CTNNA3: variants seen among roughly 807,000 people sequenced by gnomAD.
The protein encoded by CTNNA3 is catenin alpha 3.
Under a neutral mutation model 95.7 loss-of-function variants are expected in CTNNA3, and 76 were observed. That is an observed-to-expected ratio of 0.79 (90% CI 0.66 to 0.96). The LOEUF (loss-of-function observed/expected upper bound fraction) is 0.96, where lower values mean the gene tolerates loss of function less well. Ranked by LOEUF, CTNNA3 falls within the 40% of genes least tolerant of loss-of-function variation. CTNNA3 has a pLI of 0.00. For synonymous variants in CTNNA3, 431 were observed against 374.4 expected, an observed-to-expected ratio of 1.15 and a Z score of -1.74; for missense variants, 1,191 against 1,089.8, an observed-to-expected ratio of 1.09 and a Z score of -1.31.
At chr10:65,934,139 C>A (rs73306008) in intron 17 of CTNNA3, among the ~76,000 whole-genome samples, 3,186 of 152,150 alleles carry the variant, frequency 0.021, 49 homozygotes, top group African/African-American at 0.04. Flanking sequence ...ATCTGGACTT[C>A]TTGTTATGAT....
chr10:67,027,583 C>T (rs1853471231), intron 7 of CTNNA3, among the ~76,000 whole-genome samples: 2 of 151,730 alleles, frequency 1.3e-5, no homozygotes, highest in African/African-American at 2.4e-5. Flanking sequence ...TAAACATGTG[C>T]GCCACCATGC....
At chr10:67,390,468 C>T (rs1371339729) in intron 5 of CTNNA3, among the ~76,000 whole-genome samples, 1 of 152,074 alleles carries the variant, frequency 6.6e-6, no homozygotes, top group Non-Finnish European at 1.5e-5. Flanking sequence ...CCGAATTCTA[C>T]AAGAGGTACA....
intron 13 of CTNNA3, among the ~76,000 whole-genome samples, chr10:66,110,355 C>G (rs58927168): frequency 0.015 from 1,922 of 130,186 alleles, 43 homozygotes; most frequent in African/African-American, 0.058. Context: ...GAATGAGACT[C>G]TGTCTAAAAA....
intron 9 of CTNNA3, among the ~76,000 whole-genome samples, chr10:66,720,930 T>C (rs1436112162): frequency 6.6e-6 from 1 of 152,182 alleles, no homozygotes; most frequent in African/African-American, 2.4e-5. Context: ...TCAGGACCTA[T>C]GGTAAATGTT....
At chr10:66,122,609 T>C (rs1367105515) in intron 13 of CTNNA3, among the ~76,000 whole-genome samples, 1 of 152,190 alleles carries the variant, frequency 6.6e-6, no homozygotes, top group South Asian at 2.1e-4. Flanking sequence ...AATGATAGGA[T>C]ACTTATAATC....
At chr10:67,702,885 T>A (rs528341961) in intron 1 of CTNNA3, among the ~76,000 whole-genome samples, 1 of 151,866 alleles carries the variant, frequency 6.6e-6, no homozygotes, top group East Asian at 1.9e-4. Context: ...CTAGCAAGAC[T>A]AAGAAAGAAG....
chr10:66,827,193 T>C (rs1406486401), intron 7 of CTNNA3, among the ~76,000 whole-genome samples: 1 of 152,126 alleles, frequency 6.6e-6, no homozygotes. Context: ...AAGCCCCCTT[T>C]CTTTTCCTCC....
intron 5 of CTNNA3, among the ~76,000 whole-genome samples, chr10:67,245,545 C>T (rs1865870699): frequency 6.6e-6 from 1 of 152,072 alleles, no homozygotes; most frequent in African/African-American, 2.4e-5. Context: ...AAAAAGTTAT[C>T]CTATCATATG....
chr10:66,424,705 T>A (rs781169593), intron 11 of CTNNA3, among the ~76,000 whole-genome samples: 38 of 152,152 alleles, frequency 2.5e-4, no homozygotes, highest in Non-Finnish European at 5.4e-4. Flanking sequence ...TTACATAATA[T>A]GTAGTCAACT....
At chr10:67,420,813 G>A (rs1320944006) in intron 5 of CTNNA3, among the ~76,000 whole-genome samples, 1 of 151,986 alleles carries the variant, frequency 6.6e-6, no homozygotes, top group African/African-American at 2.4e-5. Context: ...AAACCAAATT[G>A]TAAAATAGTT....
chr10:66,309,516 C>G (rs542437499), intron 12 of CTNNA3, among the ~76,000 whole-genome samples: 2 of 150,976 alleles, frequency 1.3e-5, no homozygotes, highest in East Asian at 4.0e-4. Flanking sequence ...CACTGTGAAA[C>G]CCCATCTACC....
intron 5 of CTNNA3, among the ~76,000 whole-genome samples, chr10:67,240,802 C>A (rs1028977752): frequency 2.0e-5 from 3 of 152,054 alleles, no homozygotes; most frequent in African/African-American, 7.2e-5. Context: ...AATTCTAATG[C>A]GGACTACTGT....
rs549062723 is a variant in CTNNA3 at position 66,867,272 on chromosome 10, G to A, written c.1048-91748C>T. ...AAAACTCCATGTGTATTAGCATTTTGTTATTAAGTAAATGCTCCTCTGGGT... is the reference window on the plus strand; with the variant it reads ...AAAACTCCATGTGTATTAGCATTTTATTATTAAGTAAATGCTCCTCTGGGT... On this transcript the variant is annotated intron_variant, in intron 7 of 17. Transcript: ENST00000433211. Among the ~76,000 whole-genome samples, 3 of 152,256 alleles carry A rather than the reference G, an allele frequency of 2.0e-5. No homozygotes were observed. In the South Asian group the frequency reaches 6.2e-4, roughly 32 times the overall value.
At chr10:66,433,097 T>C (rs544376632) in intron 11 of CTNNA3, among the ~76,000 whole-genome samples, 4 of 152,048 alleles carry the variant, frequency 2.6e-5, no homozygotes, top group Admixed American at 6.6e-5. Context: ...TGAATAGTAC[T>C]GCAATAAAAA....
At chr10:66,725,423 G>A (rs1287906544) in intron 9 of CTNNA3, among the ~76,000 whole-genome samples, 1 of 152,040 alleles carries the variant, frequency 6.6e-6, no homozygotes, top group Non-Finnish European at 1.5e-5. Flanking sequence ...AAAAAATTAA[G>A]GGGTTTACCT....
At chr10:66,958,832 T>C (rs1409208140) in intron 7 of CTNNA3, among the ~76,000 whole-genome samples, 1 of 152,120 alleles carries the variant, frequency 6.6e-6, no homozygotes, top group African/African-American at 2.4e-5. Context: ...GGAATTAAAA[T>C]GGGGAGAGCT....
chr10:66,766,667 TG>T (rs1004767675), intron 8 of CTNNA3, among the ~76,000 whole-genome samples: 5 of 152,228 alleles, frequency 3.3e-5, no homozygotes, highest in African/African-American at 9.6e-5. Flanking sequence ...GTATTTAACC[TG>T]GAAGTCAGAT....
At chr10:67,706,257 G>A (rs1047555933) in intron 1 of CTNNA3, among the ~76,000 whole-genome samples, 1 of 152,150 alleles carries the variant, frequency 6.6e-6, no homozygotes, top group South Asian at 2.1e-4. Context: ...CCTGGTGGGA[G>A]AGAGTTGGGC....
intron 15 of CTNNA3, among the ~76,000 whole-genome samples, chr10:66,052,404 G>C (rs1033392405): frequency 2.6e-5 from 4 of 151,404 alleles, no homozygotes; most frequent in Non-Finnish European, 4.4e-5. Flanking sequence ...ATGAAGGATG[G>C]GGAAGGCAGA....
Sources: allele counts gnomAD v4.1 joint callset (sites outside exome capture counted in the v4.1 genomes callset), GRCh38; gene constraint gnomAD v4.1.1; transcripts MANE v1.5; gene names NCBI Gene and HGNC (gene_info 2026-07-23, HGNC 2026-07-21).